Variants in ANKIB1 observed in about 807,000 individuals in gnomAD.
ANKIB1 encodes ankyrin repeat and IBR domain-containing protein 1.
In ANKIB1, 43 loss-of-function variants were observed where a neutral mutation model predicts 122.1. The observed-to-expected ratio is 0.35, with a 90% CI of 0.28 to 0.45. The LOEUF is 0.45. ANKIB1 is among the 20% of genes least tolerant of loss of function. The probability of loss-of-function intolerance (pLI) is 1.00; values close to 1 mark genes in which losing one functional copy is unlikely to be tolerated. For synonymous variants in ANKIB1, 390 were observed against 442.0 expected (o/e 0.88, Z 1.48); for missense variants, 992 against 1,329.5 (o/e 0.75, Z 3.95).
intron 1 of ANKIB1, among the ~76,000 whole-genome samples, chr7:92,292,071 T>C (rs1699086881): frequency 1.3e-5 from 2 of 152,176 alleles, no homozygotes; most frequent in East Asian, 1.9e-4. Flanking sequence ...TCCAGAAATA[T>C]TACTTAAGGT....
intron 10 of ANKIB1, among the ~76,000 whole-genome samples, chr7:92,369,981 T>C (rs1804197417): frequency 6.6e-6 from 1 of 152,192 alleles, no homozygotes; most frequent in Non-Finnish European, 1.5e-5. Context: ...TCTCAAATTA[T>C]AGTAAAATAA....
intron 3 of ANKIB1, among the ~76,000 whole-genome samples, chr7:92,315,187 T>G (rs1210135510): frequency 6.6e-6 from 1 of 152,182 alleles, no homozygotes; most frequent in Non-Finnish European, 1.5e-5. Context: ...CCAAGTGACT[T>G]CGAAGCCTGC....
chr7:92,323,090 C>T (rs1416957138), intron 4 of ANKIB1, among the ~76,000 whole-genome samples: 1 of 152,072 alleles, frequency 6.6e-6, no homozygotes, highest in Non-Finnish European at 1.5e-5. Context: ...ACTTCGTAGT[C>T]GTCATTATTG....
At chr7:92,342,873 T>C (rs1803466422) in intron 5 of ANKIB1, 151 bp from the exon 6 acceptor site, 1 of 651,052 alleles carries the variant, frequency 1.5e-6, no homozygotes, top group Non-Finnish European at 2.7e-6. Flanking sequence ...AACAAGAACA[T>C]ACCTAGACAT....
chr7:92,291,309 G>A (rs972647754), intron 1 of ANKIB1, among the ~76,000 whole-genome samples: 4 of 150,262 alleles, frequency 2.7e-5, no homozygotes, highest in African/African-American at 9.8e-5. Flanking sequence ...AAAAAAAAAA[G>A]AGTATAATTG....
intron 4 of ANKIB1, among the ~76,000 whole-genome samples, chr7:92,321,171 T>C (rs996996621): frequency 1.3e-5 from 2 of 152,154 alleles, no homozygotes; most frequent in African/African-American, 4.8e-5. Flanking sequence ...GGGAGTATAG[T>C]GTTGTGTTTT....
At position 92,397,834 on chromosome 7, in the gene ANKIB1, G is replaced by T. The variant is rs569611694; in HGVS notation, c.2507G>T (p.Arg836Leu). 1.9e-6 allele frequency: 3 copies of T among 1,606,892 alleles called. No homozygotes were observed. Among genetic ancestry groups the T allele is most frequent in the Admixed American group, 1.7e-5 (1 of 58,344 alleles). ...SSLRDYTPAS[R>L]SENQDSLQAL... ...CTGCGTGACTACACCCCTGCCAGTCGCTCTGAAAACCAGGACTCTCTTCAG... is the reference window on the plus strand; with the variant it reads ...CTGCGTGACTACACCCCTGCCAGTCTCTCTGAAAACCAGGACTCTCTTCAG... The change falls in exon 19 of 20, where the codon CGC (arginine) becomes CTC (leucine). Residue 836 changes from arginine to leucine, a missense_variant. Arg to Leu is a moderately radical substitution (Grantham distance 102, BLOSUM62 -2). Around this residue, in one of 4 missense-constraint regions of ANKIB1, gnomAD observed 384 missense variants for 412.0 expected, o/e 0.93. Coordinates refer to ENST00000265742, the MANE Select transcript of ANKIB1 (RefSeq NM_019004.2).
intron 6 of ANKIB1, among the ~76,000 whole-genome samples, chr7:92,343,657 C>A (rs1209820562): frequency 6.6e-6 from 1 of 151,956 alleles, no homozygotes; most frequent in Non-Finnish European, 1.5e-5. Context: ...CATAGCCAGA[C>A]CCCATCTCAA....
At chr7:92,277,265 C>T (rs1383378751) in intron 1 of ANKIB1, among the ~76,000 whole-genome samples, 2 of 152,142 alleles carry the variant, frequency 1.3e-5, no homozygotes, top group African/African-American at 4.8e-5. Context: ...TACAGTACTC[C>T]TGGAAACAAA....
chr7:92,252,552 C>T (rs1384515041), intron 1 of ANKIB1, among the ~76,000 whole-genome samples: 5 of 151,636 alleles, frequency 3.3e-5, no homozygotes, highest in African/African-American at 1.2e-4. Flanking sequence ...ACTCCCAGCT[C>T]ATTTTTGTGT....
At chr7:92,359,905 A>G (rs931047824) in intron 9 of ANKIB1, among the ~76,000 whole-genome samples, 1 of 152,070 alleles carries the variant, frequency 6.6e-6, no homozygotes, top group African/African-American at 2.4e-5. Flanking sequence ...TGCCCAGCTC[A>G]CTTCCATATT....
At chr7:92,265,480 G>A (rs1366005841) in intron 1 of ANKIB1, among the ~76,000 whole-genome samples, 1 of 152,232 alleles carries the variant, frequency 6.6e-6, no homozygotes, top group Non-Finnish European at 1.5e-5. Flanking sequence ...TACTAAGCAC[G>A]ATGTGGGAGG....
intron 1 of ANKIB1, among the ~76,000 whole-genome samples, chr7:92,290,346 G>A (rs757332021): frequency 8.6e-5 from 13 of 150,616 alleles, no homozygotes; most frequent in Non-Finnish European, 1.6e-4. Flanking sequence ...AATTGCAGAA[G>A]ACTAAATTGA....
At chr7:92,380,301 G>A (rs1490168507) in intron 11 of ANKIB1, among the ~76,000 whole-genome samples, 2 of 152,208 alleles carry the variant, frequency 1.3e-5, no homozygotes, top group Non-Finnish European at 2.9e-5. Context: ...ACCTCTGGGG[G>A]CAGGGCATAG....
intron 11 of ANKIB1, among the ~76,000 whole-genome samples, chr7:92,374,705 A>G (rs1214185388): frequency 6.6e-6 from 1 of 152,154 alleles, no homozygotes; most frequent in Non-Finnish European, 1.5e-5. Context: ...AATTAAGGAT[A>G]TGACTCAAAA....
At chr7:92,384,991 C>A (rs1230561796) in intron 11 of ANKIB1, among the ~76,000 whole-genome samples, 1 of 152,150 alleles carries the variant, frequency 6.6e-6, no homozygotes. Context: ...ACCCATCTGA[C>A]AAGGGGCTAG....
rs78072165 is a variant in ANKIB1 at position 92,292,313 on chromosome 7, A to G, written c.-90-2576A>G. On this transcript the variant is annotated intron_variant, in intron 1 of 19. Coordinates refer to ENST00000265742, the MANE Select transcript of ANKIB1 (RefSeq NM_019004.2). ...CTGAAAGCCACAAAATGACTTCTCA[A>G]TGCCATTATCCTTTTCAACAGAGTA... Among the ~76,000 whole-genome samples, 1,067 of 152,340 alleles carry G rather than the reference A, an allele frequency of 7.0e-3. 16 individuals are homozygous for G. The highest frequency in any genetic ancestry group is 0.024 in the African/African-American group (1,011 of 41,574).
At chr7:92,324,747 A>G (rs554856192) in intron 4 of ANKIB1, among the ~76,000 whole-genome samples, 12 of 152,326 alleles carry the variant, frequency 7.9e-5, no homozygotes, top group South Asian at 2.1e-4. Flanking sequence ...TTAGTTAATG[A>G]TCTGGACAGT....
intron 9 of ANKIB1, among the ~76,000 whole-genome samples, chr7:92,353,866 A>T (rs977416399): frequency 2.6e-5 from 4 of 152,224 alleles, no homozygotes; most frequent in African/African-American, 9.6e-5. Context: ...ATGGCCCACA[A>T]AACTGGAATC....
Sources: gnomAD v4.1 joint callset for allele counts (sites outside exome capture counted in the v4.1 genomes callset) on GRCh38, gnomAD v4.1.1 for gene constraint, gnomAD v4.1.1 regional missense constraint, MANE v1.5 for transcripts, NCBI Gene and HGNC (gene_info 2026-07-23, HGNC 2026-07-21) for gene names.